The following UNC5D variants were observed in gnomAD, a reference collection of about 807,000 sequenced individuals.
UNC5D encodes netrin receptor UNC5D.
In UNC5D, 39 loss-of-function variants were observed where a neutral mutation model predicts 105.4. The ratio of observed to expected loss-of-function variants is 0.37; its 90% CI spans 0.29 to 0.48. The LOEUF (loss-of-function observed/expected upper bound fraction) is 0.48. UNC5D is among the 20% of genes least tolerant of loss of function. The pLI, the probability that UNC5D is intolerant of heterozygous loss-of-function variation, is 0.98. For synonymous variants in UNC5D, 452 were observed against 450.4 expected, an observed-to-expected ratio of 1.00 and a Z score of -0.04; for missense variants, 991 against 1,202.4, an observed-to-expected ratio of 0.82 and a Z score of 2.60.
At chr8:35,506,180 A>G (rs1458842103) in intron 1 of UNC5D, among the ~76,000 whole-genome samples, 3 of 152,180 alleles carry the variant, frequency 2.0e-5, no homozygotes, top group African/African-American at 4.8e-5. Context: ...GGTGATCCTC[A>G]ATGTGTTGAC....
chr8:35,516,838 G>A lies in UNC5D; in HGVS notation c.104-32454G>A, dbSNP rs113748595. Among the ~76,000 whole-genome samples the A allele has an allele frequency of 3.0e-3, 452 of 152,196 alleles. 3 individuals are homozygous for A. Among genetic ancestry groups the A allele is most frequent in the African/African-American group, 0.01 (432 of 41,536 alleles). On this transcript the variant is annotated intron_variant, in intron 1 of 16. Transcript: ENST00000404895. ...AGGAATCCCAGGTTGAACATGCCACGTCTTATTTTACTTCAGTGTCATTTT... is the reference window on the plus strand; with the variant it reads ...AGGAATCCCAGGTTGAACATGCCACATCTTATTTTACTTCAGTGTCATTTT...
chr8:35,526,019 G>A (rs964110581), intron 1 of UNC5D, among the ~76,000 whole-genome samples: 1 of 152,074 alleles, frequency 6.6e-6, no homozygotes, highest in Non-Finnish European at 1.5e-5. Context: ...ATTCTTCTGC[G>A]ATTCACTGCA....
chr8:35,509,252 T>A (rs1812531894), intron 1 of UNC5D, among the ~76,000 whole-genome samples: 1 of 151,566 alleles, frequency 6.6e-6, no homozygotes, highest in Admixed American at 6.6e-5. Flanking sequence ...ATAGCACGAG[T>A]TATTCATTTC....
At chr8:35,370,242 C>T (rs114077014) in intron 1 of UNC5D, among the ~76,000 whole-genome samples, 10 of 152,006 alleles carry the variant, frequency 6.6e-5, no homozygotes, top group South Asian at 4.1e-4. Context: ...GGTTTTCAAA[C>T]GGAAAATCAA....
At chr8:35,633,038 A>G (rs1274200390) in intron 4 of UNC5D, among the ~76,000 whole-genome samples, 1 of 152,184 alleles carries the variant, frequency 6.6e-6, no homozygotes, top group African/African-American at 2.4e-5. Flanking sequence ...CCAATAGTCT[A>G]TGTCCCTGGT....
chr8:35,678,628 C>T (rs1825440455), intron 4 of UNC5D, among the ~76,000 whole-genome samples: 1 of 151,990 alleles, frequency 6.6e-6, no homozygotes, highest in African/African-American at 2.4e-5. Flanking sequence ...ATAACACTAA[C>T]CATAATTTTA....
rs2131827814 is a variant in UNC5D at position 35,793,635 on chromosome 8, A to G, written c.*3072A>G. On this transcript the variant is annotated 3_prime_UTR_variant, in exon 17 of 17. Transcript: ENST00000404895. ...CTTCACAGATTCACCAGACTGTAGC[A>G]TCATAAAGTTAATTTACAGTTTTTA... The G allele has an allele frequency of 6.5e-6, 1 of 153,048 alleles. No homozygotes were observed. The highest frequency in any genetic ancestry group is 1.9e-4 in the East Asian group (1 of 5,184). The allele number at this position is 153,048 out of a possible 1,614,324, so 9.5% of individuals were successfully genotyped here.
rs539873282 is a variant in UNC5D at position 35,280,158 on chromosome 8, A to T, written c.103+44271A>T. 5.3e-5 allele frequency among the ~76,000 whole-genome samples: 8 copies of T among 151,910 alleles called. 1 individual carries two copies. In the East Asian group the frequency reaches 1.6e-3, roughly 30 times the overall value. ...TTACAGGTGCCCACCACCACACCTC[A>T]CTAATTTTTATATTTTTAGTAGAGT... is the stretch of plus-strand genomic sequence containing the variant. On this transcript the variant is annotated intron_variant, in intron 1 of 16. Coordinates refer to ENST00000404895, the MANE Select transcript of UNC5D (RefSeq NM_080872.4).
At chr8:35,396,916 T>A (rs1451989167) in intron 1 of UNC5D, among the ~76,000 whole-genome samples, 1 of 152,000 alleles carries the variant, frequency 6.6e-6, no homozygotes, top group Non-Finnish European at 1.5e-5. Context: ...GTTTGTTTTT[T>A]GTTTTTTTGT....
chr8:35,382,285 T>C (rs554444417), intron 1 of UNC5D, among the ~76,000 whole-genome samples: 1 of 152,352 alleles, frequency 6.6e-6, no homozygotes, highest in South Asian at 2.1e-4. Flanking sequence ...ATGACATTTT[T>C]TGATATGTAA....
At chr8:35,520,123 A>G (rs1348270921) in intron 1 of UNC5D, among the ~76,000 whole-genome samples, 1 of 152,138 alleles carries the variant, frequency 6.6e-6, no homozygotes, top group African/African-American at 2.4e-5. Context: ...TCATGAAGAG[A>G]CATAGCAGAA....
intron 10 of UNC5D, 60 bp from the exon 11 acceptor site, chr8:35,730,952 G>T: frequency 6.5e-7 from 1 of 1,536,114 alleles, no homozygotes. Flanking sequence ...GTGCTCGAGT[G>T]ACAAACTTCA....
Position 35,370,596 on chromosome 8 carries a change from GC to G in UNC5D, c.103+134710del, listed in dbSNP as rs559050599. Among the ~76,000 whole-genome samples the G allele has an allele frequency of 3.6e-4, 55 of 152,176 alleles. 3 individuals are homozygous for G. In the East Asian group the frequency reaches 9.5e-3, roughly 26 times the overall value. ...GTATATATTTCTTAACAGTCTGTCA[GC>G]TTTTTCTTTATTTCCTGTTAGCTAT... On this transcript the variant is annotated intron_variant, in intron 1 of 16. Transcript: ENST00000404895.
chr8:35,424,115 C>T (rs1309878232), intron 1 of UNC5D, among the ~76,000 whole-genome samples: 1 of 152,006 alleles, frequency 6.6e-6, no homozygotes, highest in Non-Finnish European at 1.5e-5. Context: ...GTACTTAATG[C>T]TGAGGGAGTT....
intron 1 of UNC5D, among the ~76,000 whole-genome samples, chr8:35,245,893 T>C (rs1803060954): frequency 6.6e-6 from 1 of 152,158 alleles, no homozygotes; most frequent in African/African-American, 2.4e-5. Flanking sequence ...TTAAATGGCA[T>C]TAGTAACACT....
At chr8:35,242,034 G>T (rs1331792750) in intron 1 of UNC5D, among the ~76,000 whole-genome samples, 1 of 152,070 alleles carries the variant, frequency 6.6e-6, no homozygotes, top group Non-Finnish European at 1.5e-5. Flanking sequence ...TTCCAAGAGA[G>T]GTCAATGTTG....
rs912485333 is a variant in UNC5D, at chr8:35,511,017, G to T, written c.104-38275G>T. ...TAAGAGGACCTCAATTAATCATTTT[G>T]TTGTTGTTGGTCTTCCCTCAAGTAT... On this transcript the variant is annotated intron_variant, in intron 1 of 16. Coordinates refer to ENST00000404895, the MANE Select transcript of UNC5D (RefSeq NM_080872.4). 1.9e-4 allele frequency among the ~76,000 whole-genome samples: 29 copies of T among 150,906 alleles called. 1 individual carries two copies. Among genetic ancestry groups the T allele is most frequent in the Admixed American group, 1.3e-4 (2 of 15,224 alleles).
chr8:35,482,791 A>ATT (rs1399256412), intron 1 of UNC5D, among the ~76,000 whole-genome samples: 3 of 98,876 alleles, frequency 3.0e-5, no homozygotes, highest in African/African-American at 9.7e-5. Flanking sequence ...CATTAAAGAG[A>ATT]TCTTTTTTTT....
chr8:35,531,130 G>T (rs974131387), intron 1 of UNC5D, among the ~76,000 whole-genome samples: 1 of 112,514 alleles, frequency 8.9e-6, no homozygotes, highest in African/African-American at 3.8e-5. Context: ...TCTTTTAATT[G>T]TGATGTTAGG....
Sources: gnomAD v4.1 joint callset for allele counts (sites outside exome capture counted in the v4.1 genomes callset) on GRCh38, gnomAD v4.1.1 for gene constraint, MANE v1.5 for transcripts, NCBI Gene and HGNC (gene_info 2026-07-23, HGNC 2026-07-21) for gene names.